The following GABRB1 variants were observed in gnomAD, a reference collection of about 807,000 sequenced individuals.
GABRB1 encodes gamma-aminobutyric acid type A receptor subunit beta1.
In GABRB1, 17 loss-of-function variants were observed where a neutral mutation model predicts 51.6. That is an observed-to-expected ratio of 0.33 (90% CI 0.23 to 0.49). GABRB1 has a LOEUF of 0.49. Ranked by LOEUF, GABRB1 falls within the 20% of genes least tolerant of loss-of-function variation. The pLI, the probability that GABRB1 is intolerant of heterozygous loss-of-function variation, is 0.99. For synonymous variants in GABRB1, 247 were observed against 218.9 expected (o/e 1.13, Z -1.14); for missense variants, 410 against 600.6 (o/e 0.68, Z 3.32).
At chr4:47,394,921 A>C (rs1041068270) in intron 5 of GABRB1, among the ~76,000 whole-genome samples, 1 of 152,150 alleles carries the variant, frequency 6.6e-6, no homozygotes, top group Non-Finnish European at 1.5e-5. Flanking sequence ...TGGTGCTGGC[A>C]GTTCATTTCC....
chr4:47,222,600 CA>C (rs2109825400), intron 4 of GABRB1, among the ~76,000 whole-genome samples: 1 of 152,168 alleles, frequency 6.6e-6, no homozygotes, highest in South Asian at 2.1e-4. Flanking sequence ...TGAGTGAAGC[CA>C]TCTTAGACCA....
intron 5 of GABRB1, among the ~76,000 whole-genome samples, chr4:47,378,808 T>A (rs927923503): frequency 6.6e-6 from 1 of 152,060 alleles, no homozygotes; most frequent in Non-Finnish European, 1.5e-5. Context: ...TTAATTAAAT[T>A]ATTTAATCTT....
intron 4 of GABRB1, among the ~76,000 whole-genome samples, chr4:47,222,237 T>G (rs1206036077): frequency 6.6e-6 from 1 of 152,134 alleles, no homozygotes; most frequent in Non-Finnish European, 1.5e-5. Context: ...ATTTTTATTT[T>G]GGGGTTACAA....
rs575278634 is a variant in GABRB1 at position 47,174,338 on chromosome 4, T to G, written c.461+12869T>G. ...CTCCTGGGCCTTGCAGTGTTGGGAT[T>G]ACAGGTGTGACCCACCACACCCAGC... On this transcript the variant is annotated intron_variant, in intron 4 of 8. Transcript: ENST00000295454. 5.9e-5 allele frequency among the ~76,000 whole-genome samples: 9 copies of G among 152,276 alleles called. No individual in the cohort carries two copies. The South Asian group carries it at 1.9e-3, about 32-fold the overall frequency.
intron 4 of GABRB1, among the ~76,000 whole-genome samples, chr4:47,180,822 G>A (rs1318921005): frequency 6.6e-6 from 1 of 151,928 alleles, no homozygotes; most frequent in African/African-American, 2.4e-5. Context: ...TTTGACAGGT[G>A]GTAGAATTCT....
chr4:46,997,361 A>G (rs1724031119), intron 1 of GABRB1, among the ~76,000 whole-genome samples: 1 of 151,494 alleles, frequency 6.6e-6, no homozygotes, highest in Non-Finnish European at 1.5e-5. Flanking sequence ...TCAGTGTGCA[A>G]TGAAATATTA....
At position 47,404,410 on chromosome 4, in the gene GABRB1, G is replaced by A. The variant is rs183112386; in HGVS notation, c.835+699G>A. Among the ~76,000 whole-genome samples, 22 of 151,794 alleles carry A rather than the reference G, an allele frequency of 1.4e-4. No homozygotes were observed. In the East Asian group the frequency reaches 4.3e-3, roughly 29 times the overall value. ...GTAAGGTCTGTCTGGTGAATCTGGGGATGTGCAAGTCTGTGTCATTATTTG... is the reference window on the plus strand; with the variant it reads ...GTAAGGTCTGTCTGGTGAATCTGGGAATGTGCAAGTCTGTGTCATTATTTG... On this transcript the variant is annotated intron_variant, in intron 7 of 8. Coordinates refer to ENST00000295454, the MANE Select transcript of GABRB1 (RefSeq NM_000812.4).
intron 8 of GABRB1, 150 bp from the exon 9 acceptor site, chr4:47,425,522 ATC>A (rs1553884661): frequency 3.7e-4 from 229 of 615,518 alleles, no homozygotes; most frequent in African/African-American, 1.5e-3. Flanking sequence ...AGATAGATCG[ATC>A]GATCTATCTC....
intron 4 of GABRB1, among the ~76,000 whole-genome samples, chr4:47,213,204 C>A (rs1020061287): frequency 6.6e-6 from 1 of 152,102 alleles, no homozygotes; most frequent in African/African-American, 2.4e-5. Flanking sequence ...ATTTTGTATG[C>A]TTAATTGATT....
chr4:47,058,511 A>T (rs1425028931), intron 3 of GABRB1, among the ~76,000 whole-genome samples: 1 of 152,186 alleles, frequency 6.6e-6, no homozygotes, highest in Admixed American at 6.5e-5. Flanking sequence ...GGACTCTCAA[A>T]ACACTGGATA....
At chr4:47,282,061 T>A (rs201721364) in intron 4 of GABRB1, among the ~76,000 whole-genome samples, 2 of 132,688 alleles carry the variant, frequency 1.5e-5, no homozygotes, top group Admixed American at 7.8e-5. Flanking sequence ...TAAAAAAAGA[T>A]GAATTGTTAA....
At chr4:47,077,994 A>ATATATATAT (rs1553914122) in intron 3 of GABRB1, among the ~76,000 whole-genome samples, 6 of 100,780 alleles carry the variant, frequency 6.0e-5, no homozygotes, top group African/African-American at 2.4e-4. Context: ...ATAATATATA[A>ATATATATAT]TATATATATA....
intron 3 of GABRB1, among the ~76,000 whole-genome samples, chr4:47,044,743 T>A (rs963895754): frequency 3.3e-5 from 5 of 152,028 alleles, no homozygotes; most frequent in African/African-American, 1.2e-4. Flanking sequence ...TATTCAGATA[T>A]AATAAATATA....
chr4:47,139,160 A>G (rs1716805342), intron 3 of GABRB1, among the ~76,000 whole-genome samples: 1 of 151,998 alleles, frequency 6.6e-6, no homozygotes, highest in Non-Finnish European at 1.5e-5. Context: ...CAGACTTCGA[A>G]TCCTTCATGC....
chr4:47,405,589 C>G (rs1054222509), intron 7 of GABRB1, among the ~76,000 whole-genome samples: 8 of 151,898 alleles, frequency 5.3e-5, no homozygotes, highest in African/African-American at 1.9e-4. Flanking sequence ...TTCTGTTTAC[C>G]CAGTTATAAA....
intron 5 of GABRB1, among the ~76,000 whole-genome samples, chr4:47,349,870 T>C (rs1726244108): frequency 6.6e-6 from 1 of 152,186 alleles, no homozygotes; most frequent in Non-Finnish European, 1.5e-5. Context: ...GTCTGATTTA[T>C]TTCCCTCATT....
At chr4:47,279,719 A>G (rs1281207461) in intron 4 of GABRB1, among the ~76,000 whole-genome samples, 1 of 152,030 alleles carries the variant, frequency 6.6e-6, no homozygotes, top group Non-Finnish European at 1.5e-5. Context: ...TTATATAATT[A>G]TAGTTTCCCT....
intron 1 of GABRB1, among the ~76,000 whole-genome samples, chr4:47,019,888 A>ATATAATATATGTATATGTATATGTATATG (rs1724874989): frequency 1.4e-5 from 2 of 139,682 alleles, no homozygotes; most frequent in African/African-American, 5.4e-5. Context: ...TATATATATA[A>ATATAATATATGTATATGTATATGTATATG]TATATGTATA....
intron 4 of GABRB1, among the ~76,000 whole-genome samples, chr4:47,212,601 C>T (rs921752245): frequency 1.3e-5 from 2 of 152,018 alleles, no homozygotes; most frequent in African/African-American, 4.8e-5. Context: ...ATTGCTTGGG[C>T]CTGGTAGGTG....
Sources: gnomAD v4.1 joint callset for allele counts (sites outside exome capture counted in the v4.1 genomes callset) on GRCh38, gnomAD v4.1.1 for gene constraint, MANE v1.5 for transcripts, NCBI Gene and HGNC (gene_info 2026-07-23, HGNC 2026-07-21) for gene names.